CD44: variants seen among roughly 807,000 people sequenced by gnomAD.
The protein encoded by CD44 is CD44 antigen.
A neutral mutation model predicts 88.8 loss-of-function variants in CD44; 49 were observed. The ratio of observed to expected loss-of-function variants is 0.55; its 90% CI spans 0.44 to 0.70. The LOEUF (loss-of-function observed/expected upper bound fraction) is 0.70, where lower values mean the gene tolerates loss of function less well. CD44 is among the 30% of genes least tolerant of loss of function. The pLI is 0.00. For synonymous variants in CD44, 325 were observed against 312.3 expected, an observed-to-expected ratio of 1.04 and a Z score of -0.43; for missense variants, 883 against 913.8, an observed-to-expected ratio of 0.97 and a Z score of 0.43.
At chr11:35,140,053 C>A (rs1399309702) in intron 1 of CD44, among the ~76,000 whole-genome samples, 1 of 152,208 alleles carries the variant, frequency 6.6e-6, no homozygotes, top group Non-Finnish European at 1.5e-5. Flanking sequence ...ACCACTGGAC[C>A]AGCTGCTTGG....
At chr11:35,202,179 A>G (rs922701535) in intron 9 of CD44, among the ~76,000 whole-genome samples, 3 of 152,224 alleles carry the variant, frequency 2.0e-5, no homozygotes, top group Non-Finnish European at 2.9e-5. Flanking sequence ...CTTATTTTCT[A>G]TGAAGATCTT....
At chr11:35,148,778 A>G (rs1474801944) in intron 1 of CD44, among the ~76,000 whole-genome samples, 2 of 152,234 alleles carry the variant, frequency 1.3e-5, no homozygotes, top group Non-Finnish European at 2.9e-5. Context: ...TGGATGGCTT[A>G]CTGAATTAAT....
intron 9 of CD44, among the ~76,000 whole-genome samples, chr11:35,204,057 GT>G (rs557947384): frequency 2.8e-4 from 42 of 152,248 alleles, no homozygotes; most frequent in African/African-American, 9.9e-4. Flanking sequence ...GCGATTATGG[GT>G]TACATGACCA....
intron 1 of CD44, 62 bp from the exon 2 acceptor site, chr11:35,176,513 A>T: frequency 6.6e-7 from 1 of 1,510,664 alleles, no homozygotes; most frequent in Non-Finnish European, 9.0e-7. Context: ...CCTAAACTGA[A>T]CTTATTACTG....
chr11:35,189,903 TACCCCAGCA>T lies in CD44; in HGVS notation c.510_518del (p.Ser171_Pro173del), dbSNP rs1205431627. ...ATACAGAACGAATCCTGAAGACATC[TACCCCAGCA>T]ACCCTACTGATGATGACGTGAGCAG... On this transcript the variant is annotated inframe_deletion, in exon 5 of 18. Transcript: ENST00000428726. The T allele has an allele frequency of 1.2e-6, 2 of 1,614,162 alleles. No individual in the cohort carries two copies. Among genetic ancestry groups the T allele is most frequent in the South Asian group, 2.2e-5 (2 of 91,084 alleles).
rs1157110056 is a variant in CD44 at position 35,205,868 on chromosome 11, C to T, written c.1283-244C>T. ...TCGGTAACTCATCCTTTCTGCACTGCGGGAGTTGTTAATGCTTTTGTGTCC... is the reference window on the plus strand; with the variant it reads ...TCGGTAACTCATCCTTTCTGCACTGTGGGAGTTGTTAATGCTTTTGTGTCC... On this transcript the variant is annotated intron_variant, in intron 10 of 17. Transcript: ENST00000428726. 2.6e-5 allele frequency: 30 copies of T among 1,134,976 alleles called. No individual in the cohort carries two copies. The South Asian group carries it at 4.3e-4, about 16-fold the overall frequency. The allele number at this position is 1,134,976 out of a possible 1,614,324, so 70.3% of individuals were successfully genotyped here.
intron 3 of CD44, among the ~76,000 whole-genome samples, chr11:35,181,979 T>C (rs1347310356): frequency 1.8e-5 from 2 of 113,930 alleles, no homozygotes; most frequent in African/African-American, 6.9e-5. Flanking sequence ...AAATATTATA[T>C]ATTATATATA....
rs565679547 is a variant in CD44 at position 35,217,309 on chromosome 11, G to A, written c.1874-2007G>A. ...AATCAAAATAAAGTGATTATGATCC[G>A]TTAATGGCCTCTTTTTAAATATCAA... On this transcript the variant is annotated intron_variant, in intron 15 of 17. Coordinates refer to ENST00000428726, the MANE Select transcript of CD44 (RefSeq NM_000610.4). Among the ~76,000 whole-genome samples the A allele has an allele frequency of 9.1e-5, 13 of 143,512 alleles. 1 individual carries two copies. The South Asian group carries it at 2.2e-3, about 25-fold the overall frequency. 94.1% of individuals were successfully genotyped at this position (143,512 alleles called of 152,430 possible). A position where few individuals can be genotyped will look rare whatever the true frequency, so the allele number is the denominator to read the frequency against.
At chr11:35,182,991 A>G (rs757740572) in intron 3 of CD44, among the ~76,000 whole-genome samples, 3 of 152,186 alleles carry the variant, frequency 2.0e-5, no homozygotes, top group Non-Finnish European at 2.9e-5. Context: ...AATTTTGTTC[A>G]TGAGGTTGGG....
At chr11:35,167,648 G>T (rs1943443750) in intron 1 of CD44, among the ~76,000 whole-genome samples, 1 of 152,348 alleles carries the variant, frequency 6.6e-6, no homozygotes, top group South Asian at 2.1e-4. Context: ...GTTTGTGTGT[G>T]GTTGACTCCC....
At chr11:35,228,731 G>A (rs1949889800) in intron 17 of CD44, among the ~76,000 whole-genome samples, 1 of 152,208 alleles carries the variant, frequency 6.6e-6, no homozygotes, top group South Asian at 2.1e-4. Flanking sequence ...TGGAGTCTTA[G>A]TTGCTGGTTT....
In CD44 at chr11:35,211,279, C is replaced by A; in HGVS notation, c.1640C>A (p.Pro547Gln). 2 of 1,613,886 alleles carry A rather than the reference C, an allele frequency of 1.2e-6. No homozygotes were observed. Among genetic ancestry groups the A allele is most frequent in the African/African-American group, 1.3e-5 (1 of 75,012 alleles). The change falls in exon 14 of 18, where the codon CCA becomes CAA. Residue 547 changes from proline (P) to glutamine (Q), a missense_variant. Transcript: ENST00000428726. The stretch of plus-strand genomic sequence containing the variant: ...GATGTCACAGGTGGAAGAAGAGACC[C>A]AAATCATTCTGAAGGCTCAACTACT... Reference protein sequence around the residue: ...RNDVTGGRRDPNHSEGSTTLL... With the variant: ...RNDVTGGRRDQNHSEGSTTLL...
chr11:35,211,341 A>G lies in CD44; in HGVS notation c.1702A>G (p.Lys568Glu), dbSNP rs1198241844. The change falls in exon 14 of 18, where the codon AAG becomes GAG. Residue 568 changes from lysine to glutamate, a missense_variant. Physicochemically the swap from Lys to Glu is moderately conservative, Grantham distance 56 (BLOSUM62 1). Transcript: ENST00000428726. ...EGYTSHYPHT[K>E]ESRTFIPVTS... ...TTATACCTCTCATTACCCACACACG[A>G]AGGAAAGCAGGACCTTCATCCCAGT... is the stretch of plus-strand genomic sequence containing the variant. 5.0e-6 allele frequency: 8 copies of G among 1,613,910 alleles called. No homozygotes were observed. The highest frequency in any genetic ancestry group is 6.8e-6 in the Non-Finnish European group (8 of 1,179,942).
chr11:35,200,304 A>G (rs1261587723), intron 7 of CD44, among the ~76,000 whole-genome samples: 2 of 152,174 alleles, frequency 1.3e-5, no homozygotes, highest in Non-Finnish European at 2.9e-5. Flanking sequence ...TCCTTCTGTT[A>G]GGTGCATCTC....
Position 35,176,759 on chromosome 11 carries a change from A to G in CD44, c.233+19A>G. 6.2e-7 allele frequency: 1 copy of G among 1,607,240 alleles called. No individual in the cohort carries two copies. Among genetic ancestry groups the G allele is most frequent in the Non-Finnish European group, 8.5e-7 (1 of 1,177,084 alleles). On this transcript the variant is annotated intron_variant, in intron 2 of 17. Coordinates refer to ENST00000428726, the MANE Select transcript of CD44 (RefSeq NM_000610.4). Reference sequence around the variant, plus strand: ...CCTGCAGGTAAGAGACCAGCACCCGACCACTGGGGAAAGCTGGCGGCCTGG... The same window carrying G: ...CCTGCAGGTAAGAGACCAGCACCCGGCCACTGGGGAAAGCTGGCGGCCTGG...
At chr11:35,203,512 C>T (rs1156812622) in intron 9 of CD44, among the ~76,000 whole-genome samples, 1 of 152,040 alleles carries the variant, frequency 6.6e-6, no homozygotes, top group Admixed American at 6.6e-5. Flanking sequence ...TCCCCCTCCT[C>T]CTGGATAACC....
At chr11:35,213,702 T>G (rs61882765) in intron 14 of CD44, 1 of 136,230 alleles carries the variant, frequency 7.3e-6, no homozygotes, top group African/African-American at 2.6e-5. Context: ...GTGGTGGTGG[T>G]GATGGTGATG....
rs150314191 is a variant in CD44, at chr11:35,142,189, T to A, written c.67+2819T>A. ...CTGTGGGTGAGGGGATCTTTTTTTTTAATTATTATTATACTTTAAGTTTTA... is the reference window on the plus strand; with the variant it reads ...CTGTGGGTGAGGGGATCTTTTTTTTAAATTATTATTATACTTTAAGTTTTA... On this transcript the variant is annotated intron_variant, in intron 1 of 17. Transcript: ENST00000428726. 5.4e-4 allele frequency among the ~76,000 whole-genome samples: 82 copies of A among 152,014 alleles called. 1 individual carries two copies. The highest frequency in any genetic ancestry group is 1.9e-3 in the East Asian group (10 of 5,174).
intron 6 of CD44, 70 bp downstream of exon 6, chr11:35,196,944 G>A (rs1461779886): frequency 6.6e-7 from 1 of 1,522,364 alleles, no homozygotes. Context: ...TTGACCTCTG[G>A]GATGTTATTA....
Sources: allele counts gnomAD v4.1 joint callset (sites outside exome capture counted in the v4.1 genomes callset), GRCh38; gene constraint gnomAD v4.1.1; transcripts MANE v1.5; gene names NCBI Gene and HGNC (gene_info 2026-07-23, HGNC 2026-07-21).